Variants in OPRM1 observed in about 807,000 individuals in gnomAD.
OPRM1 encodes the protein mu-type opioid receptor.
Under a neutral mutation model 31.8 loss-of-function variants are expected in OPRM1, and 27 were observed. The observed-to-expected ratio is 0.85, with a 90% CI of 0.63 to 1.17. The LOEUF (loss-of-function observed/expected upper bound fraction) is 1.17. Ranked by LOEUF, OPRM1 falls within the 50% of genes most tolerant of loss-of-function variation. The pLI, the probability that OPRM1 is intolerant of heterozygous loss-of-function variation, is 0.00. For synonymous variants in OPRM1, 196 were observed against 189.9 expected (o/e 1.03, Z -0.26); for missense variants, 536 against 511.1 (o/e 1.05, Z -0.47).
chr6:154,065,070 A>G (rs1363491721), intron 1 of OPRM1, among the ~76,000 whole-genome samples: 1 of 152,136 alleles, frequency 6.6e-6, no homozygotes, highest in East Asian at 1.9e-4. Context: ...TCTGAAGATG[A>G]CATTGTATGA....
intron 3 of OPRM1, among the ~76,000 whole-genome samples, chr6:154,145,602 C>A (rs1238433807): frequency 6.6e-6 from 1 of 152,188 alleles, no homozygotes; most frequent in African/African-American, 2.4e-5. Context: ...TTTTTCCCAG[C>A]AATGGGTTTT....
intron 1 of OPRM1, among the ~76,000 whole-genome samples, chr6:154,081,228 G>A (rs1181616377): frequency 6.6e-6 from 1 of 152,342 alleles, no homozygotes; most frequent in Admixed American, 6.5e-5. Context: ...AAAGGGCCTG[G>A]CGCGGTGGCT....
chr6:154,226,998 A>G (rs1477218388), intron 3 of OPRM1, among the ~76,000 whole-genome samples: 1 of 152,032 alleles, frequency 6.6e-6, no homozygotes, highest in East Asian at 1.9e-4. Flanking sequence ...GGAGTTTGAG[A>G]CTAGCCTGGC....
intron 3 of OPRM1, among the ~76,000 whole-genome samples, chr6:154,109,808 G>C (rs1796149236): frequency 8.7e-6 from 1 of 114,856 alleles, no homozygotes; most frequent in African/African-American, 2.9e-5. Flanking sequence ...GTGTGTGTGT[G>C]TGTGTGTGTG....
intron 3 of OPRM1, among the ~76,000 whole-genome samples, chr6:154,153,930 A>G (rs1302261904): frequency 6.6e-6 from 1 of 152,246 alleles, no homozygotes; most frequent in African/African-American, 2.4e-5. Context: ...TATATCAGGA[A>G]TAGGAAATAA....
intron 3 of OPRM1, chr6:154,199,641 C>T (rs753112323): frequency 1.9e-5 from 30 of 1,552,104 alleles, no homozygotes; most frequent in Middle Eastern, 3.5e-4. Context: ...CACTCTCTAA[C>T]GAAGAATAAA....
At chr6:154,080,577 G>A (rs1168984958) in intron 1 of OPRM1, among the ~76,000 whole-genome samples, 2 of 152,074 alleles carry the variant, frequency 1.3e-5, no homozygotes, top group Non-Finnish European at 2.9e-5. Context: ...TCCCTGTCTC[G>A]CTCCCTCTTT....
chr6:154,094,866 G>A lies in OPRM1; in HGVS notation c.1164+3394G>A, dbSNP rs376695421. ...GCAAAAGGATAGGTATATAGGGAGC[G>A]AATAATTATGACCACTTCTGCTAAC... On this transcript the variant is annotated intron_variant, in intron 3 of 3. Transcript: ENST00000330432. 4.6e-5 allele frequency among the ~76,000 whole-genome samples: 7 copies of A among 152,170 alleles called. No homozygotes were observed. In the East Asian group the frequency reaches 7.7e-4, roughly 17 times the overall value.
chr6:154,180,648 G>C (rs1251704805), intron 3 of OPRM1, among the ~76,000 whole-genome samples: 1 of 152,040 alleles, frequency 6.6e-6, no homozygotes, highest in South Asian at 2.1e-4. Flanking sequence ...CTCTTTAAAT[G>C]CTATATTTTC....
chr6:154,011,827 C>T (rs1777746054), intron 1 of OPRM1, among the ~76,000 whole-genome samples: 1 of 152,024 alleles, frequency 6.6e-6, no homozygotes, highest in Admixed American at 6.6e-5. Context: ...AATTATGTCA[C>T]ATCAATGTTT....
At chr6:154,227,665 T>G (rs1779366516) in intron 3 of OPRM1, among the ~76,000 whole-genome samples, 2 of 151,904 alleles carry the variant, frequency 1.3e-5, no homozygotes, top group Admixed American at 1.3e-4. Flanking sequence ...TGTCATGGGT[T>G]GTGATCACAA....
intron 1 of OPRM1, among the ~76,000 whole-genome samples, chr6:154,015,357 T>C (rs927176645): frequency 6.6e-6 from 1 of 152,048 alleles, no homozygotes; most frequent in Non-Finnish European, 1.5e-5. Flanking sequence ...TATACATACA[T>C]ACATAGAAAA....
intron 3 of OPRM1, among the ~76,000 whole-genome samples, chr6:154,189,557 T>C (rs1248138886): frequency 6.6e-6 from 1 of 152,090 alleles, no homozygotes; most frequent in African/African-American, 2.4e-5. Context: ...TAGTTCAAGA[T>C]AGCTAGAAGA....
At chr6:154,185,757 T>C (rs140982384) in intron 3 of OPRM1, among the ~76,000 whole-genome samples, 1 of 152,106 alleles carries the variant, frequency 6.6e-6, no homozygotes, top group Non-Finnish European at 1.5e-5. Flanking sequence ...ACACTAACAA[T>C]AGCTGAAACA....
At chr6:154,205,334 C>A (rs1423814393) in intron 3 of OPRM1, among the ~76,000 whole-genome samples, 2 of 152,130 alleles carry the variant, frequency 1.3e-5, no homozygotes, top group Non-Finnish European at 2.9e-5. Flanking sequence ...GAGGCTCATG[C>A]CTGTAATCTC....
intron 1 of OPRM1, chr6:154,087,698 G>A (rs1471950664): frequency 2.3e-5 from 13 of 568,668 alleles, no homozygotes; most frequent in East Asian, 1.4e-4. Context: ...GTCACTAAAC[G>A]TCTTCACGCC....
intron 1 of OPRM1, among the ~76,000 whole-genome samples, chr6:154,023,558 G>T (rs1778512478): frequency 6.6e-6 from 1 of 152,000 alleles, no homozygotes; most frequent in Non-Finnish European, 1.5e-5. Context: ...TTGTCTGATT[G>T]CTCTAGCAAG....
chr6:154,070,257 G>GT (rs369327558), intron 1 of OPRM1, among the ~76,000 whole-genome samples: 27 of 152,176 alleles, frequency 1.8e-4, no homozygotes, highest in African/African-American at 6.0e-4. Flanking sequence ...TGTTAGCCAG[G>GT]TAAGAGCAGA....
chr6:154,227,580 T>C (rs1779359831), intron 3 of OPRM1, among the ~76,000 whole-genome samples: 1 of 152,078 alleles, frequency 6.6e-6, no homozygotes. Context: ...TAGCCGAGCA[T>C]GGCAGCACAC....
Sources: gnomAD v4.1 joint callset for allele counts (sites outside exome capture counted in the v4.1 genomes callset) on GRCh38, gnomAD v4.1.1 for gene constraint, MANE v1.5 for transcripts, NCBI Gene and HGNC (gene_info 2026-07-23, HGNC 2026-07-21) for gene names.